SPOCK3: variants seen among roughly 807,000 people sequenced by gnomAD.
SPOCK3 encodes the protein SPARC (osteonectin), cwcv and kazal like domains proteoglycan 3.
SPOCK3 carries 30 observed loss-of-function variants against 56.6 expected under a neutral mutation model. That is an observed-to-expected ratio of 0.53 (90% CI 0.40 to 0.72). SPOCK3 has a LOEUF of 0.72. Ranked by LOEUF, SPOCK3 falls within the 30% of genes least tolerant of loss-of-function variation. The pLI, the probability that SPOCK3 is intolerant of heterozygous loss-of-function variation, is 0.00. For missense variants in SPOCK3, 527 were observed against 530.0 expected, an observed-to-expected ratio of 0.99 and a Z score of 0.06; for synonymous variants, 196 against 183.3, an observed-to-expected ratio of 1.07 and a Z score of -0.56.
At chr4:167,157,893 A>C (rs1484996204) in intron 2 of SPOCK3, among the ~76,000 whole-genome samples, 1 of 151,996 alleles carries the variant, frequency 6.6e-6, no homozygotes, top group Non-Finnish European at 1.5e-5. Flanking sequence ...AAGTAATGAA[A>C]GTAATAGGGT....
chr4:166,960,824 C>A (rs751846770), intron 4 of SPOCK3, among the ~76,000 whole-genome samples: 6 of 152,058 alleles, frequency 3.9e-5, no homozygotes, highest in Non-Finnish European at 8.8e-5. Context: ...TTTAAGAAAT[C>A]CCACCTGGTC....
At chr4:167,181,716 A>G (rs1202591538) in intron 2 of SPOCK3, among the ~76,000 whole-genome samples, 1 of 152,174 alleles carries the variant, frequency 6.6e-6, no homozygotes, top group Non-Finnish European at 1.5e-5. Context: ...TTAAATAAAC[A>G]TATGATTCTT....
chr4:166,804,938 G>A (rs565762681), intron 6 of SPOCK3, among the ~76,000 whole-genome samples: 41 of 150,452 alleles, frequency 2.7e-4, no homozygotes, highest in African/African-American at 9.2e-4. Context: ...TTTAAAAAAT[G>A]CCAGAGCTGA....
chr4:166,983,113 G>A (rs1332685695), intron 4 of SPOCK3, among the ~76,000 whole-genome samples: 2 of 152,016 alleles, frequency 1.3e-5, no homozygotes, highest in African/African-American at 2.4e-5. Context: ...CTTTTTCCAC[G>A]TAGTATTGAG....
chr4:167,101,812 T>A (rs143535264), intron 2 of SPOCK3, among the ~76,000 whole-genome samples: 20 of 141,786 alleles, frequency 1.4e-4, no homozygotes, highest in Admixed American at 7.3e-5. Context: ...AACCTCCACC[T>A]CCCAGGTTCA....
At chr4:167,213,640 G>A (rs1402194777) in intron 2 of SPOCK3, among the ~76,000 whole-genome samples, 1 of 151,998 alleles carries the variant, frequency 6.6e-6, no homozygotes, top group African/African-American at 2.4e-5. Context: ...ATATAATGGA[G>A]GAAATAGAAA....
At chr4:167,076,773 C>T (rs927800132) in intron 2 of SPOCK3, among the ~76,000 whole-genome samples, 2 of 151,270 alleles carry the variant, frequency 1.3e-5, no homozygotes, top group African/African-American at 4.9e-5. Flanking sequence ...TTTGCATTAG[C>T]CAATATAATA....
chr4:166,817,964 C>A (rs1325091702), intron 6 of SPOCK3, among the ~76,000 whole-genome samples: 1 of 151,966 alleles, frequency 6.6e-6, no homozygotes, highest in Non-Finnish European at 1.5e-5. Context: ...AAAATAATAT[C>A]AGTAACCGTA....
intron 8 of SPOCK3, among the ~76,000 whole-genome samples, chr4:166,747,274 A>T (rs1213202394): frequency 6.6e-6 from 1 of 152,264 alleles, no homozygotes; most frequent in Admixed American, 6.5e-5. Flanking sequence ...CACATCAAAG[A>T]GCTTATCCAC....
chr4:166,994,435 C>G (rs1189224188), intron 4 of SPOCK3, among the ~76,000 whole-genome samples: 4 of 152,102 alleles, frequency 2.6e-5, no homozygotes, highest in Admixed American at 6.6e-5. Flanking sequence ...TCTCTGGCCC[C>G]TTGTGCTCTG....
Position 167,165,376 on chromosome 4 carries a change from C to T in SPOCK3, c.189+68609G>A, listed in dbSNP as rs1765668581. Among the ~76,000 whole-genome samples the T allele has an allele frequency of 2.0e-5, 3 of 151,974 alleles. No homozygotes were observed. In the South Asian group the frequency reaches 6.2e-4, roughly 32 times the overall value. On this transcript the variant is annotated intron_variant, in intron 2 of 10. Transcript: ENST00000357545. ...AAATAAATGTACAAGAAAAAAACAA[C>T]CCCATCAAAAAGTGGGCAAAGGATA...
chr4:167,155,960 C>T (rs1230441156), intron 2 of SPOCK3, among the ~76,000 whole-genome samples: 2 of 151,440 alleles, frequency 1.3e-5, no homozygotes, highest in African/African-American at 4.9e-5. Context: ...ATGTTCAGCA[C>T]ATGTATCTGA....
At chr4:167,033,839 T>C (rs1185025061) in intron 3 of SPOCK3, among the ~76,000 whole-genome samples, 1 of 152,120 alleles carries the variant, frequency 6.6e-6, no homozygotes, top group Non-Finnish European at 1.5e-5. Flanking sequence ...TTGAATTTAC[T>C]AGATTAAGGC....
At chr4:167,154,833 C>T (rs1764687492) in intron 2 of SPOCK3, among the ~76,000 whole-genome samples, 3 of 152,070 alleles carry the variant, frequency 2.0e-5, no homozygotes, top group African/African-American at 7.2e-5. Context: ...TCTCCAAAAT[C>T]GGATCACAGG....
intron 2 of SPOCK3, among the ~76,000 whole-genome samples, chr4:167,126,261 T>C (rs1026164183): frequency 6.6e-5 from 10 of 152,134 alleles, no homozygotes; most frequent in South Asian, 2.1e-4. Flanking sequence ...AATAAGTTCA[T>C]TGTAGGCCGG....
chr4:167,048,719 C>A (rs1387090821), intron 3 of SPOCK3, among the ~76,000 whole-genome samples: 1 of 152,114 alleles, frequency 6.6e-6, no homozygotes, highest in Non-Finnish European at 1.5e-5. Context: ...GTGGAAGGAT[C>A]CAGTTAGATG....
chr4:167,074,966 T>C (rs2150275883), intron 2 of SPOCK3, among the ~76,000 whole-genome samples: 1 of 152,068 alleles, frequency 6.6e-6, no homozygotes, highest in East Asian at 2.0e-4. Context: ...GAAATATCCA[T>C]CACCTCAAGC....
At chr4:166,809,193 T>C (rs1340232851) in intron 6 of SPOCK3, among the ~76,000 whole-genome samples, 3 of 151,980 alleles carry the variant, frequency 2.0e-5, no homozygotes, top group Non-Finnish European at 4.4e-5. Flanking sequence ...ATTTGTTATT[T>C]ATTCCATCCT....
intron 4 of SPOCK3, among the ~76,000 whole-genome samples, chr4:166,945,699 C>T (rs1159274983): frequency 6.6e-6 from 1 of 152,192 alleles, no homozygotes; most frequent in South Asian, 2.1e-4. Context: ...CTCTGATCCT[C>T]TGCACAAGAC....
Sources: gnomAD v4.1 joint callset for allele counts (sites outside exome capture counted in the v4.1 genomes callset) on GRCh38, gnomAD v4.1.1 for gene constraint, MANE v1.5 for transcripts, NCBI Gene and HGNC (gene_info 2026-07-23, HGNC 2026-07-21) for gene names.